Variants in BABAM2 observed in about 807,000 individuals in gnomAD.
BABAM2 encodes BRISC and BRCA1-A complex member 2.
In BABAM2, 31 loss-of-function variants were observed where a neutral mutation model predicts 54.7. That is an observed-to-expected ratio of 0.57 (90% CI 0.43 to 0.77). BABAM2 has a LOEUF of 0.77. Among genes scored for constraint, BABAM2 ranks in the 30% least tolerant of loss-of-function variants. BABAM2 has a pLI of 0.00. For synonymous variants in BABAM2, 167 were observed against 162.9 expected, an observed-to-expected ratio of 1.03 and a Z score of -0.19; for missense variants, 364 against 455.8, an observed-to-expected ratio of 0.80 and a Z score of 1.83.
chr2:28,279,660 CTTTTTT>C (rs59747836), intron 10 of BABAM2, among the ~76,000 whole-genome samples: 3 of 100,300 alleles, frequency 3.0e-5, no homozygotes, highest in African/African-American at 1.3e-4. Context: ...AGCTCAAAGG[CTTTTTT>C]TTTTTTTTTT....
intron 10 of BABAM2, among the ~76,000 whole-genome samples, chr2:28,278,006 A>G (rs1362352030): frequency 6.6e-6 from 1 of 152,250 alleles, no homozygotes; most frequent in East Asian, 1.9e-4. Context: ...TAAAGAGGAA[A>G]GGATGTCCAA....
chr2:27,978,582 G>C (rs1671760235), intron 3 of BABAM2, among the ~76,000 whole-genome samples: 1 of 152,152 alleles, frequency 6.6e-6, no homozygotes, highest in South Asian at 2.1e-4. Context: ...TGCAGCAACT[G>C]ATAAGAATAA....
At chr2:28,282,516 A>G (rs577189046) in intron 10 of BABAM2, among the ~76,000 whole-genome samples, 40 of 152,280 alleles carry the variant, frequency 2.6e-4, no homozygotes, top group African/African-American at 8.9e-4. Flanking sequence ...TAGATACAGC[A>G]TGGGCTCCAG....
At chr2:28,026,877 T>TATATATGG (rs1675802556) in intron 5 of BABAM2, among the ~76,000 whole-genome samples, 1 of 50,844 alleles carries the variant, frequency 2.0e-5, no homozygotes, top group Non-Finnish European at 3.8e-5. Context: ...TATATATTTA[T>TATATATGG]ATATATATAG....
At chr2:28,093,068 C>G (rs1235580725) in intron 6 of BABAM2, among the ~76,000 whole-genome samples, 1 of 152,146 alleles carries the variant, frequency 6.6e-6, no homozygotes, top group Non-Finnish European at 1.5e-5. Flanking sequence ...ACATTAGTCT[C>G]ATTGAATTTT....
intron 6 of BABAM2, among the ~76,000 whole-genome samples, chr2:28,107,509 T>C (rs985549188): frequency 6.6e-6 from 1 of 152,196 alleles, no homozygotes; most frequent in Non-Finnish European, 1.5e-5. Context: ...GAATGTACCA[T>C]GTGCCCTTCT....
At position 28,106,254 on chromosome 2, in the gene BABAM2, A is replaced by G. The variant is rs543145688; in HGVS notation, c.571-23017A>G. 9.8e-5 allele frequency among the ~76,000 whole-genome samples: 15 copies of G among 152,296 alleles called. No individual in the cohort carries two copies. The South Asian group carries it at 2.9e-3, about 29-fold the overall frequency. ...ATTGTCCCAATGATTTCTTTGTAGC[A>G]GAAGAATTCAGTTTAGTTTTAAATC... On this transcript the variant is annotated intron_variant, in intron 6 of 11. Coordinates refer to ENST00000379624, the MANE Select transcript of BABAM2 (RefSeq NM_199191.3).
intron 11 of BABAM2, among the ~76,000 whole-genome samples, chr2:28,303,991 G>C (rs1487409189): frequency 6.6e-6 from 1 of 151,880 alleles, no homozygotes; most frequent in Non-Finnish European, 1.5e-5. Context: ...AAAGATTCTT[G>C]TGCCTCAGCC....
chr2:28,200,028 G>A (rs892258423), intron 7 of BABAM2, among the ~76,000 whole-genome samples: 1 of 152,158 alleles, frequency 6.6e-6, no homozygotes, highest in Non-Finnish European at 1.5e-5. Flanking sequence ...CTAAATGTGT[G>A]AAATGTGCCT....
chr2:28,236,563 A>T, intron 7 of BABAM2, among the ~76,000 whole-genome samples: 1 of 151,976 alleles, frequency 6.6e-6, no homozygotes, highest in Middle Eastern at 3.2e-3. Context: ...ACAGGGTTTC[A>T]TCATGTTAGC....
At chr2:28,107,267 A>C (rs946735434) in intron 6 of BABAM2, among the ~76,000 whole-genome samples, 5 of 152,092 alleles carry the variant, frequency 3.3e-5, no homozygotes, top group African/African-American at 1.2e-4. Context: ...CCATGCATTC[A>C]ACCCTTGTCC....
chr2:28,140,721 T>A (rs956452099), intron 7 of BABAM2, among the ~76,000 whole-genome samples: 3 of 152,140 alleles, frequency 2.0e-5, no homozygotes, highest in Admixed American at 2.0e-4. Context: ...ATATTGTATA[T>A]GTGCTGTAAG....
At chr2:27,907,103 T>C (rs1666236542) in intron 2 of BABAM2, among the ~76,000 whole-genome samples, 1 of 152,174 alleles carries the variant, frequency 6.6e-6, no homozygotes, top group Non-Finnish European at 1.5e-5. Context: ...ATAGTTTTAT[T>C]TTTTGGTGCC....
rs528604333 is a variant in BABAM2, at chr2:28,197,757, C to T, written c.681-39445C>T. ...TGTATGACTCTTCCTGAGCAACCCT[C>T]TAGCTAAAAATCTGGAAATGAAATA... is the stretch of plus-strand genomic sequence containing the variant. On this transcript the variant is annotated intron_variant, in intron 7 of 11. Coordinates refer to ENST00000379624, the MANE Select transcript of BABAM2 (RefSeq NM_199191.3). Among the ~76,000 whole-genome samples, 3 of 152,256 alleles carry T rather than the reference C, an allele frequency of 2.0e-5. No homozygotes were observed. The South Asian group carries it at 6.2e-4, about 32-fold the overall frequency.
At chr2:28,066,954 T>A (rs1017439876) in intron 6 of BABAM2, among the ~76,000 whole-genome samples, 61 of 152,362 alleles carry the variant, frequency 4.0e-4, no homozygotes, top group African/African-American at 1.3e-3. Flanking sequence ...TTAATTAATT[T>A]ATTTATTTTT....
intron 4 of BABAM2, among the ~76,000 whole-genome samples, chr2:28,022,235 A>G (rs1667913730): frequency 6.6e-6 from 1 of 152,246 alleles, no homozygotes; most frequent in Admixed American, 6.5e-5. Flanking sequence ...TAAACAATTC[A>G]AAATTACCAC....
At chr2:28,172,589 C>G (rs1674477438) in intron 7 of BABAM2, among the ~76,000 whole-genome samples, 1 of 152,182 alleles carries the variant, frequency 6.6e-6, no homozygotes, top group Non-Finnish European at 1.5e-5. Flanking sequence ...TTATGTTTCC[C>G]TGTGAAGAAA....
chr2:28,166,697 C>T (rs567840050), intron 7 of BABAM2, among the ~76,000 whole-genome samples: 22 of 152,292 alleles, frequency 1.4e-4, no homozygotes, highest in South Asian at 4.1e-4. Flanking sequence ...CTGGGAGCCC[C>T]GCTCATGACA....
chr2:28,319,358 A>G (rs947938688), intron 11 of BABAM2, among the ~76,000 whole-genome samples: 3 of 152,252 alleles, frequency 2.0e-5, no homozygotes, highest in Admixed American at 6.5e-5. Flanking sequence ...TCTGTCCCTG[A>G]GTGAGCACAC....
Sources: allele counts gnomAD v4.1 joint callset (sites outside exome capture counted in the v4.1 genomes callset), GRCh38; gene constraint gnomAD v4.1.1; transcripts MANE v1.5; gene names NCBI Gene and HGNC (gene_info 2026-07-23, HGNC 2026-07-21).